Variants in SOX6 observed in about 807,000 individuals in gnomAD.
SOX6 encodes transcription factor SOX-6.
SOX6 carries 11 observed loss-of-function variants against 97.8 expected under a neutral mutation model. The observed-to-expected ratio is 0.11, with a 90% CI of 0.07 to 0.19. SOX6 has a LOEUF of 0.19. Among genes scored for constraint, SOX6 ranks in the 10% least tolerant of loss-of-function variants. The pLI, the probability that SOX6 is intolerant of heterozygous loss-of-function variation, is 1.00. For synonymous variants in SOX6, 360 were observed against 371.4 expected (o/e 0.97, Z 0.35); for missense variants, 810 against 1,039.5 (o/e 0.78, Z 3.04).
At chr11:16,087,793 G>A (rs1248994543) in intron 9 of SOX6, among the ~76,000 whole-genome samples, 1 of 152,068 alleles carries the variant, frequency 6.6e-6, no homozygotes, top group Non-Finnish European at 1.5e-5. Flanking sequence ...CCCACTAGAA[G>A]GTAAAATTCT....
chr11:16,336,417 G>A (rs944418233), intron 2 of SOX6, among the ~76,000 whole-genome samples: 5 of 151,980 alleles, frequency 3.3e-5, no homozygotes, highest in Non-Finnish European at 5.9e-5. Flanking sequence ...TACTTAAAAC[G>A]TTGTCTCCAC....
At chr11:16,060,856 T>C (rs1847931163) in intron 9 of SOX6, among the ~76,000 whole-genome samples, 1 of 151,890 alleles carries the variant, frequency 6.6e-6, no homozygotes, top group Non-Finnish European at 1.5e-5. Context: ...TATGCACATG[T>C]ATCTTATCTT....
Position 15,996,685 on chromosome 11 carries a change from ACAAAAGACTT to A in SOX6, c.1733-7465_1733-7456del, listed in dbSNP as rs374026299. Among the ~76,000 whole-genome samples the A allele has an allele frequency of 4.9e-4, 75 of 152,250 alleles. 2 individuals carry two copies. In the East Asian group the frequency reaches 9.3e-3, roughly 19 times the overall value. On this transcript the variant is annotated intron_variant, in intron 13 of 15. Coordinates refer to ENST00000683767, the MANE Select transcript of SOX6 (RefSeq NM_001367873.1). The stretch of plus-strand genomic sequence containing the variant: ...CTAAAAATCTACCAGAGTACTTCAA[ACAAAAGACTT>A]AAAAAGGGATTCAATTAACACAAAG...
At chr11:16,373,997 C>T (rs941723267) in intron 1 of SOX6, among the ~76,000 whole-genome samples, 1 of 151,936 alleles carries the variant, frequency 6.6e-6, no homozygotes, top group African/African-American at 2.4e-5. Flanking sequence ...CTCAGTATAG[C>T]TAATAAATAC....
rs555809952 is a variant in SOX6 at position 16,499,531 on chromosome 11, T to G, written n.610-23143A>C. Reference sequence around the variant, plus strand: ...TCAATGAATCCAGGAGCTGGTTTTTTGAAAAGATCAACGAAATTGATAAAC... The same window carrying G: ...TCAATGAATCCAGGAGCTGGTTTTTGGAAAAGATCAACGAAATTGATAAAC... On this transcript the variant is annotated intron_variant and non_coding_transcript_variant, in intron 4 of 5. Coordinates refer to the SOX6 transcript ENST00000524520. Among the ~76,000 whole-genome samples the G allele has an allele frequency of 5.3e-5, 8 of 152,200 alleles. No individual in the cohort carries two copies. In the East Asian group the frequency reaches 1.5e-3, roughly 29 times the overall value.
intron 3 of SOX6, among the ~76,000 whole-genome samples, chr11:16,661,935 T>C (rs12287393): frequency 3.2e-4 from 49 of 152,312 alleles, no homozygotes; most frequent in African/African-American, 1.0e-3. Flanking sequence ...TTATTCCCAA[T>C]TTCTCTCTTC....
chr11:16,196,248 A>G (rs7950736), intron 4 of SOX6, among the ~76,000 whole-genome samples: 87,697 of 151,972 alleles, frequency 0.58, 26,101 homozygotes, highest in East Asian at 0.75. Context: ...AGCATGCAAA[A>G]GTAACGCAGC....
At chr11:16,273,466 A>T (rs1854312230) in intron 3 of SOX6, among the ~76,000 whole-genome samples, 1 of 151,968 alleles carries the variant, frequency 6.6e-6, no homozygotes, top group East Asian at 1.9e-4. Flanking sequence ...TGAATGAATG[A>T]TAGACCCTGA....
At chr11:16,103,314 C>A (rs1281084853) in intron 7 of SOX6, among the ~76,000 whole-genome samples, 7 of 151,462 alleles carry the variant, frequency 4.6e-5, no homozygotes, top group African/African-American at 1.7e-4. Context: ...AAATCAAAAC[C>A]ACAAGGCAAT....
chr11:16,054,463 G>A (rs1294082953), intron 10 of SOX6, among the ~76,000 whole-genome samples: 2 of 151,966 alleles, frequency 1.3e-5, no homozygotes, highest in African/African-American at 2.4e-5. Context: ...CTATTTCTTT[G>A]GAGAATCTAA....
rs1459821432 is a variant in SOX6 at position 15,972,761 on chromosome 11, GA to G, written c.*47del. ...GGCTCTTTAATAACTCTTTGTTGGG[GA>G]GGGGGGTGAAATGTCAGAGTACTTT... On this transcript the variant is annotated 3_prime_UTR_variant, in exon 16 of 16. Transcript: ENST00000683767. 6.3e-7 allele frequency: 1 copy of G among 1,596,682 alleles called. No homozygotes were observed. The highest frequency in any genetic ancestry group is 1.3e-5 in the African/African-American group (1 of 74,566).
In SOX6 at chr11:16,340,908, A is replaced by G. The variant is rs553174692; in HGVS notation, c.237+104T>C. The G allele has an allele frequency of 5.1e-5, 77 of 1,511,896 alleles. 1 individual carries two copies. The South Asian group carries it at 8.3e-4, about 16-fold the overall frequency. The allele number at this position is 1,511,896 out of a possible 1,614,324, so 93.7% of individuals were successfully genotyped here. ...ACCTGGTAGTTGTTTCATGATCTAC[A>G]CAAAAATAACTCTAAGGTCATCTAT... On this transcript the variant is annotated intron_variant, in intron 2 of 15. Coordinates refer to ENST00000683767, the MANE Select transcript of SOX6 (RefSeq NM_001367873.1).
intron 3 of SOX6, among the ~76,000 whole-genome samples, chr11:16,310,976 A>C (rs1590114207): frequency 1.3e-5 from 2 of 152,202 alleles, no homozygotes; most frequent in Non-Finnish European, 2.9e-5. Flanking sequence ...CATTGCTCTT[A>C]ACTGGCTACT....
intron 4 of SOX6, among the ~76,000 whole-genome samples, chr11:16,499,943 C>A (rs1306385160): frequency 6.6e-6 from 1 of 152,130 alleles, no homozygotes; most frequent in Non-Finnish European, 1.5e-5. Flanking sequence ...AGAGGGAATC[C>A]TCCCTAACTC....
chr11:16,661,954 G>C (rs1396693415), intron 3 of SOX6, among the ~76,000 whole-genome samples: 2 of 152,068 alleles, frequency 1.3e-5, no homozygotes, highest in Non-Finnish European at 2.9e-5. Context: ...TCTGTCCCCT[G>C]TAACAGTGCT....
intron 12 of SOX6, among the ~76,000 whole-genome samples, chr11:16,021,692 T>C (rs2133871163): frequency 6.6e-6 from 1 of 152,250 alleles, no homozygotes; most frequent in Non-Finnish European, 1.5e-5. Context: ...AGCTATTAAT[T>C]TGTCTAGTTT....
At chr11:16,297,120 G>A (rs377490349) in intron 3 of SOX6, among the ~76,000 whole-genome samples, 3 of 152,088 alleles carry the variant, frequency 2.0e-5, no homozygotes, top group African/African-American at 7.2e-5. Context: ...AGATGAGAGA[G>A]AATGCAAAAT....
intron 4 of SOX6, among the ~76,000 whole-genome samples, chr11:16,587,854 C>T (rs1848112486): frequency 6.6e-6 from 1 of 152,186 alleles, no homozygotes; most frequent in Admixed American, 6.5e-5. Flanking sequence ...CTGGCCACTG[C>T]TGCCAGTCCA....
intron 3 of SOX6, among the ~76,000 whole-genome samples, chr11:16,658,473 C>T (rs565354466): frequency 2.0e-5 from 3 of 152,224 alleles, no homozygotes; most frequent in Admixed American, 2.0e-4. Context: ...CTTTGGGAGG[C>T]CAAGGCAGGC....
Sources: gnomAD v4.1 joint callset for allele counts (sites outside exome capture counted in the v4.1 genomes callset) on GRCh38, gnomAD v4.1.1 for gene constraint, MANE v1.5 for transcripts, NCBI Gene and HGNC (gene_info 2026-07-23, HGNC 2026-07-21) for gene names.